SIAE: variants seen among roughly 807,000 people sequenced by gnomAD.
SIAE encodes the protein sialic acid acetylesterase.
A neutral mutation model predicts 52.6 loss-of-function variants in SIAE; 39 were observed. The observed-to-expected ratio is 0.74, with a 90% CI of 0.57 to 0.97. The LOEUF is 0.97. Ranked by LOEUF, SIAE falls within the 50% of genes least tolerant of loss-of-function variation. SIAE has a pLI of 0.00. For missense variants in SIAE, 592 were observed against 662.1 expected (o/e 0.89, Z 1.16); for synonymous variants, 233 against 241.4 (o/e 0.97, Z 0.32).
At chr11:124,673,597 G>C in intron 1 of SIAE, 45 bp downstream of exon 1, 2 of 1,594,510 alleles carry the variant, frequency 1.3e-6, no homozygotes, top group African/African-American at 2.7e-5. Context: ...CTCGGAGCCC[G>C]CACAGGCTGA....
At chr11:124,666,098 C>G (rs1246478639) in intron 2 of SIAE, among the ~76,000 whole-genome samples, 1 of 152,168 alleles carries the variant, frequency 6.6e-6, no homozygotes, top group Non-Finnish European at 1.5e-5. Context: ...TCGTTTGAAC[C>G]AACCCAGTAC....
intron 7 of SIAE, among the ~76,000 whole-genome samples, chr11:124,642,786 C>T (rs978878334): frequency 7.2e-5 from 11 of 152,228 alleles, no homozygotes; most frequent in African/African-American, 2.7e-4. Context: ...AGTCAGCTGA[C>T]TTCACATTGA....
chr11:124,637,349 G>T, intron 9 of SIAE, 147 bp from the exon 10 acceptor site: 1 of 1,071,054 alleles, frequency 9.3e-7, no homozygotes, highest in Non-Finnish European at 1.4e-6. Context: ...ACAAACCTGA[G>T]CCCACTTTGG....
rs1942662087 is a variant in SIAE at position 124,633,824 on chromosome 11, A to C, written c.*3127T>G. ...CACAGAAATGATATATGCTGCTTTTATCATATAACAAATATTTTCCCACTA... is the reference window on the plus strand; with the variant it reads ...CACAGAAATGATATATGCTGCTTTTCTCATATAACAAATATTTTCCCACTA... On this transcript the variant is annotated 3_prime_UTR_variant, in exon 10 of 10. Transcript: ENST00000263593. 1 of 152,216 alleles carries C rather than the reference A, an allele frequency of 6.6e-6. No individual in the cohort carries two copies. The highest frequency in any genetic ancestry group is 6.5e-5 in the Admixed American group (1 of 15,282). The allele number at this position is 152,216 out of a possible 1,614,324, so 9.4% of individuals were successfully genotyped here. A position where few individuals can be genotyped will look rare whatever the true frequency, so the allele number is the denominator to read the frequency against.
chr11:124,671,594 A>G (rs1266722697), intron 1 of SIAE, among the ~76,000 whole-genome samples: 1 of 152,232 alleles, frequency 6.6e-6, no homozygotes, highest in East Asian at 1.9e-4. Context: ...AGAAAAAATC[A>G]TATTCCTCAT....
rs755562845 is a variant in SIAE at position 124,648,159 on chromosome 11, A to G, written c.739T>C (p.Ser247Pro). The change falls in exon 6 of 10, where the codon TCT (serine) becomes CCT (proline). Residue 247 changes from serine (S) to proline (P), a missense_variant. Ser to Pro is a moderately conservative substitution (Grantham distance 74). Coordinates refer to ENST00000263593, the MANE Select transcript of SIAE (RefSeq NM_170601.5). ...GAGTGCTTACTGGGACCAGTTACAGAATCGTATGGAATGGACCTGAAATCA... is the reference window on the plus strand; with the variant it reads ...GAGTGCTTACTGGGACCAGTTACAGGATCGTATGGAATGGACCTGAAATCA... ...VPKQGSIPYD[S>P]VTGPSKHSVL... 14 of 1,613,648 alleles carry G rather than the reference A, an allele frequency of 8.7e-6. No individual in the cohort carries two copies. The highest frequency in any genetic ancestry group is 8.5e-6 in the Non-Finnish European group (10 of 1,179,776).
chr11:124,673,500 C>G (rs1431635714), intron 1 of SIAE, 142 bp downstream of exon 1: 2 of 946,218 alleles, frequency 2.1e-6, no homozygotes, highest in Non-Finnish European at 1.6e-6. Context: ...GGGCCTCGGT[C>G]GGAGACGCGA....
rs141583016 is a variant in SIAE, at chr11:124,640,182, T to TCTTG, written c.967-319_967-316dup. Among the ~76,000 whole-genome samples, 1,347 of 152,274 alleles carry TCTTG rather than the reference T, an allele frequency of 8.8e-3. 24 individuals carry two copies. The East Asian group carries it at 0.091, about 10-fold the overall frequency. On this transcript the variant is annotated intron_variant, in intron 7 of 9. Coordinates refer to ENST00000263593, the MANE Select transcript of SIAE (RefSeq NM_170601.5). ...GAATTGATGTTGTACAGCTCCTGAGTCTTGGCCTTATGAGGCCTTGCCTTC... is the reference window on the plus strand; with the variant it reads ...GAATTGATGTTGTACAGCTCCTGAGTCTTGCTTGGCCTTATGAGGCCTTGCCTTC...
chr11:124,649,108 C>T (rs1464395674), intron 5 of SIAE, among the ~76,000 whole-genome samples: 1 of 152,160 alleles, frequency 6.6e-6, no homozygotes, highest in African/African-American at 2.4e-5. Context: ...TCTTTGAGTA[C>T]ATGTTTATAA....
intron 3 of SIAE, among the ~76,000 whole-genome samples, chr11:124,656,977 C>T (rs1411574510): frequency 6.6e-6 from 1 of 151,968 alleles, no homozygotes; most frequent in Non-Finnish European, 1.5e-5. Flanking sequence ...CCAGCCACAG[C>T]GTAAGAGAAA....
chr11:124,650,666 G>A lies in SIAE; in HGVS notation c.545-870C>T, dbSNP rs541786699. 1.1e-3 allele frequency among the ~76,000 whole-genome samples: 164 copies of A among 152,148 alleles called. 1 individual carries two copies. The highest frequency in any genetic ancestry group is 3.8e-3 in the African/African-American group (159 of 41,526). ...TGGGCACCTGTAATCCCAGCTACTC[G>A]GGAGGCTGAGGCAGGAGAATCGCTT... On this transcript the variant is annotated intron_variant, in intron 4 of 9. Transcript: ENST00000263593.
rs1565411218 is a variant in SIAE at position 124,648,077 on chromosome 11, A to G, written c.821T>C (p.Val274Ala). The G allele has an allele frequency of 6.2e-7, 1 of 1,612,852 alleles. No individual in the cohort carries two copies. ...CACTGAACACTTACCCTGGTACCATACTACCCCTTTCAGAGTCATATTGCA... is the reference window on the plus strand; with the variant it reads ...CACTGAACACTTACCCTGGTACCATGCTACCCCTTTCAGAGTCATATTGCA... ...PLCNMTLKGV[V>A]WYQGESNINY... Residue 274 changes from valine to alanine, a missense_variant, in exon 6 of 10, where the codon GTA becomes GCA. Transcript: ENST00000263593.
chr11:124,673,787 C>T, upstream of SIAE: 1 of 1,526,508 alleles, frequency 6.6e-7, no homozygotes, highest in East Asian at 2.4e-5. Flanking sequence ...GGGGCGAGGC[C>T]GACTCCACCC....
intron 3 of SIAE, among the ~76,000 whole-genome samples, chr11:124,656,984 G>A (rs1332029483): frequency 1.3e-5 from 2 of 150,900 alleles, no homozygotes; most frequent in Non-Finnish European, 1.5e-5. Flanking sequence ...CAGCGTAAGA[G>A]AAACTCTGAA....
At chr11:124,665,310 G>T (rs189945948) in intron 2 of SIAE, among the ~76,000 whole-genome samples, 364 of 152,354 alleles carry the variant, frequency 2.4e-3, no homozygotes, top group African/African-American at 8.7e-3. Flanking sequence ...TTCACTTTAA[G>T]TTAATAAAAA....
rs529056741 is a variant in SIAE at position 124,633,633 on chromosome 11, G to C, written c.*3318C>G. On this transcript the variant is annotated 3_prime_UTR_variant, in exon 10 of 10. Coordinates refer to ENST00000263593, the MANE Select transcript of SIAE (RefSeq NM_170601.5). ...GTAAACTGAGAAGCTAAGTTAACTG[G>C]TATTTTATGATTTTGAGTATAGTCT... 13 of 152,182 alleles carry C rather than the reference G, an allele frequency of 8.5e-5. No homozygotes were observed. The highest frequency in any genetic ancestry group is 1.9e-4 in the Non-Finnish European group (13 of 68,036). The allele number at this position is 152,182 out of a possible 1,614,324, so 9.4% of individuals were successfully genotyped here. A position where few individuals can be genotyped will look rare whatever the true frequency, so the allele number is the denominator to read the frequency against.
At chr11:124,652,498 C>T (rs562797677) in intron 4 of SIAE, among the ~76,000 whole-genome samples, 7 of 152,078 alleles carry the variant, frequency 4.6e-5, no homozygotes, top group African/African-American at 1.7e-4. Context: ...AGTCCCAGAC[C>T]AGCCTGGCCA....
chr11:124,648,759 G>A (rs1942976710), intron 5 of SIAE, among the ~76,000 whole-genome samples: 1 of 152,044 alleles, frequency 6.6e-6, no homozygotes, highest in Non-Finnish European at 1.5e-5. Flanking sequence ...AAGCCCACTT[G>A]CCCACACCCT....
chr11:124,654,527 C>T, intron 4 of SIAE, 128 bp downstream of exon 4: 1 of 1,594,406 alleles, frequency 6.3e-7, no homozygotes, highest in Non-Finnish European at 8.5e-7. Context: ...GATGAAGAGT[C>T]AATAAGAAAG....
Sources: allele counts gnomAD v4.1 joint callset (sites outside exome capture counted in the v4.1 genomes callset), GRCh38; gene constraint gnomAD v4.1.1; transcripts MANE v1.5; gene names NCBI Gene and HGNC (gene_info 2026-07-23, HGNC 2026-07-21).